The following FAM204A variants were observed in gnomAD, a reference collection of about 807,000 sequenced individuals.
The protein encoded by FAM204A is family with sequence similarity 204 member A.
A neutral mutation model predicts 35.4 loss-of-function variants in FAM204A; 16 were observed. That is an observed-to-expected ratio of 0.45 (90% confidence interval 0.31 to 0.69). FAM204A has a LOEUF of 0.69. Ranked by LOEUF, FAM204A falls within the 30% of genes least tolerant of loss-of-function variation. The pLI, the probability that FAM204A is intolerant of heterozygous loss-of-function variation, is 0.07. For missense variants in FAM204A, 240 were observed against 265.7 expected, an observed-to-expected ratio of 0.90 and a Z score of 0.67; for synonymous variants, 76 against 86.9, an observed-to-expected ratio of 0.88 and a Z score of 0.70.
At chr10:118,318,245 T>C (rs1316356954) in intron 7 of FAM204A, among the ~76,000 whole-genome samples, 1 of 151,950 alleles carries the variant, frequency 6.6e-6, no homozygotes, top group Non-Finnish European at 1.5e-5. Flanking sequence ...TAATAAAATT[T>C]GAAAGAGAGA....
chr10:118,310,739 T>C lies in FAM204A; in HGVS notation c.*118A>G. Reference sequence around the variant, plus strand: ...AAGAGCTGATAATCAAAATCCCAAATTTTATGCTTATTTTTGTTTTAGTGC... The same window carrying C: ...AAGAGCTGATAATCAAAATCCCAAACTTTATGCTTATTTTTGTTTTAGTGC... On this transcript the variant is annotated 3_prime_UTR_variant, in exon 9 of 9. Coordinates refer to ENST00000369183, the MANE Select transcript of FAM204A (RefSeq NM_022063.3). 2.3e-6 allele frequency: 2 copies of C among 864,494 alleles called. No homozygotes were observed. Among genetic ancestry groups the C allele is most frequent in the Non-Finnish European group, 3.7e-6 (2 of 543,426 alleles). The allele number at this position is 864,494 out of a possible 1,614,324, so 53.6% of individuals were successfully genotyped here.
At chr10:118,321,851 T>C (rs1424994488) in intron 7 of FAM204A, among the ~76,000 whole-genome samples, 4 of 152,022 alleles carry the variant, frequency 2.6e-5, no homozygotes. Flanking sequence ...GGAAAGCTTG[T>C]AGTGAATAGT....
rs1845849581 is a variant in FAM204A at position 118,305,241 on chromosome 10, G to C, written c.*5616C>G. 1 of 152,184 alleles carries C rather than the reference G, an allele frequency of 6.6e-6. No homozygotes were observed. The highest frequency in any genetic ancestry group is 2.1e-4 in the South Asian group (1 of 4,834). 9.4% of individuals were successfully genotyped at this position (152,184 alleles called of 1,614,324 possible). ...CAAGAAATAAGCTTGTATTGTGCTT[G>C]AGTCATTATATTTTGGGGGGCATAT... On this transcript the variant is annotated 3_prime_UTR_variant, in exon 9 of 9. Coordinates refer to ENST00000369183, the MANE Select transcript of FAM204A (RefSeq NM_022063.3).
intron 7 of FAM204A, among the ~76,000 whole-genome samples, chr10:118,324,518 G>A (rs1402260115): frequency 6.6e-6 from 1 of 152,150 alleles, no homozygotes; most frequent in African/African-American, 2.4e-5. Flanking sequence ...AAAAAGGAAA[G>A]GAATTCTGAC....
At chr10:118,314,105 T>G (rs1162927226) in intron 7 of FAM204A, among the ~76,000 whole-genome samples, 2 of 152,250 alleles carry the variant, frequency 1.3e-5, no homozygotes, top group African/African-American at 4.8e-5. Flanking sequence ...TATATGCTTG[T>G]TAAAAATAAT....
At position 118,310,023 on chromosome 10, in the gene FAM204A, A is replaced by G. The variant is rs1845922337; in HGVS notation, c.*834T>C. 1 of 151,458 alleles carries G rather than the reference A, an allele frequency of 6.6e-6. No homozygotes were observed. The highest frequency in any genetic ancestry group is 6.6e-5 in the Admixed American group (1 of 15,202). 9.4% of individuals were successfully genotyped at this position (151,458 alleles called of 1,614,324 possible). A position where few individuals can be genotyped will look rare whatever the true frequency, so the allele number is the denominator to read the frequency against. ...TGAAATATCAAGTCTGCCTCCAATTAAAAAAAAACAGTAACTACTTTTATA... is the reference window on the plus strand; with the variant it reads ...TGAAATATCAAGTCTGCCTCCAATTGAAAAAAAACAGTAACTACTTTTATA... On this transcript the variant is annotated 3_prime_UTR_variant, in exon 9 of 9. Coordinates refer to ENST00000369183, the MANE Select transcript of FAM204A (RefSeq NM_022063.3).
At chr10:118,341,417 T>G (rs1277283601) in intron 2 of FAM204A, among the ~76,000 whole-genome samples, 1 of 152,174 alleles carries the variant, frequency 6.6e-6, no homozygotes, top group Non-Finnish European at 1.5e-5. Flanking sequence ...TAAAAATAGT[T>G]ACTATTTTCA....
At chr10:118,341,242 G>A (rs1039991661) in intron 2 of FAM204A, among the ~76,000 whole-genome samples, 1 of 152,054 alleles carries the variant, frequency 6.6e-6, no homozygotes, top group Non-Finnish European at 1.5e-5. Context: ...CATTTTCATC[G>A]TATAAGGCTG....
intron 6 of FAM204A, among the ~76,000 whole-genome samples, chr10:118,334,560 T>G (rs1050751281): frequency 6.6e-6 from 1 of 152,216 alleles, no homozygotes; most frequent in Non-Finnish European, 1.5e-5. Context: ...CTTTTTAACA[T>G]AGGTCATGTC....
At chr10:118,332,273 A>C (rs1846304216) in intron 6 of FAM204A, among the ~76,000 whole-genome samples, 1 of 151,388 alleles carries the variant, frequency 6.6e-6, no homozygotes. Context: ...GTCTCATTTC[A>C]CTTCTCACCT....
intron 7 of FAM204A, among the ~76,000 whole-genome samples, chr10:118,316,452 C>T (rs1439453513): frequency 6.6e-6 from 1 of 152,140 alleles, no homozygotes; most frequent in Non-Finnish European, 1.5e-5. Flanking sequence ...AGGCCATATC[C>T]AGTCACTTAA....
rs560802418 is a variant in FAM204A, at chr10:118,329,385, C to T, written c.454-3142G>A. On this transcript the variant is annotated intron_variant, in intron 6 of 8. Coordinates refer to ENST00000369183, the MANE Select transcript of FAM204A (RefSeq NM_022063.3). Reference sequence around the variant, plus strand: ...ATGGGGTCCCCAGATGCTTTCTCAACCCCATCTTCAGCAATTAAAAAGCTA... The same window carrying T: ...ATGGGGTCCCCAGATGCTTTCTCAATCCCATCTTCAGCAATTAAAAAGCTA... Among the ~76,000 whole-genome samples, 31 of 152,238 alleles carry T rather than the reference C, an allele frequency of 2.0e-4. No individual in the cohort carries two copies. The South Asian group carries it at 4.1e-3, about 20-fold the overall frequency.
chr10:118,336,474 T>C (rs1846389665), intron 2 of FAM204A, 51 bp from the exon 3 acceptor site: 2 of 1,474,962 alleles, frequency 1.4e-6, no homozygotes, highest in Non-Finnish European at 1.8e-6. Flanking sequence ...TAGAAATAAT[T>C]TTAAGACCAT....
chr10:118,311,004 A>C (rs1201535826), intron 8 of FAM204A, 96 bp from the exon 9 acceptor site: 23 of 1,208,098 alleles, frequency 1.9e-5, no homozygotes, highest in Admixed American at 1.4e-4. Context: ...AACAAACAAA[A>C]ATTTTTCACA....
rs1157431209 is a variant in FAM204A at position 118,308,276 on chromosome 10, G to C, written c.*2581C>G. ...ACGTTTACATTACTGATCTAACTCA[G>C]GCATTCTGGTGGTAGTAAATGCACA... On this transcript the variant is annotated 3_prime_UTR_variant, in exon 9 of 9. Transcript: ENST00000369183. The C allele has an allele frequency of 6.6e-6, 1 of 152,110 alleles. No individual in the cohort carries two copies. The highest frequency in any genetic ancestry group is 2.4e-5 in the African/African-American group (1 of 41,424). The allele number at this position is 152,110 out of a possible 1,614,324, so 9.4% of individuals were successfully genotyped here.
intron 7 of FAM204A, among the ~76,000 whole-genome samples, chr10:118,313,482 A>G (rs1845984308): frequency 6.6e-6 from 1 of 152,224 alleles, no homozygotes; most frequent in African/African-American, 2.4e-5. Flanking sequence ...ATGTGGAGGT[A>G]CAGCAGGCTA....
chr10:118,325,183 A>G (rs953910509), intron 7 of FAM204A, among the ~76,000 whole-genome samples: 2 of 152,154 alleles, frequency 1.3e-5, no homozygotes, highest in Non-Finnish European at 2.9e-5. Context: ...AAAAAGACAA[A>G]ACGAAAAACG....
rs1268145877 is a variant in FAM204A, at chr10:118,307,928, AC to A, written c.*2928del. 2.6e-5 allele frequency: 4 copies of A among 152,208 alleles called. No homozygotes were observed. The highest frequency in any genetic ancestry group is 7.2e-5 in the African/African-American group (3 of 41,458). The allele number at this position is 152,208 out of a possible 1,614,324, so 9.4% of individuals were successfully genotyped here. On this transcript the variant is annotated 3_prime_UTR_variant, in exon 9 of 9. Transcript: ENST00000369183. ...TTGAGATTTATGATCAGTTGCAGAA[AC>A]CTGTTTACGTACTGATTTACAGTCT...
At chr10:118,330,215 TA>T (rs1324249021) in intron 6 of FAM204A, among the ~76,000 whole-genome samples, 4 of 152,218 alleles carry the variant, frequency 2.6e-5, no homozygotes. Flanking sequence ...TCTATTTGTA[TA>T]AAACATTAAT....
Sources: gnomAD v4.1 joint callset for allele counts (sites outside exome capture counted in the v4.1 genomes callset) on GRCh38, gnomAD v4.1.1 for gene constraint, MANE v1.5 for transcripts, NCBI Gene and HGNC (gene_info 2026-07-23, HGNC 2026-07-21) for gene names.